The following DELE1 variants were observed in gnomAD, a reference collection of about 807,000 sequenced individuals.
DELE1 encodes DAP3 binding cell death enhancer 1.
Under a neutral mutation model 59.3 loss-of-function variants are expected in DELE1, and 54 were observed. The ratio of observed to expected loss-of-function variants is 0.91; its 90% CI spans 0.73 to 1.14. DELE1 has a LOEUF of 1.14. DELE1 is among the 50% of genes most tolerant of loss of function. The pLI, the probability that DELE1 is intolerant of heterozygous loss-of-function variation, is 0.00. For synonymous variants in DELE1, 264 were observed against 259.1 expected (o/e 1.02, Z -0.18); for missense variants, 636 against 643.9 (o/e 0.99, Z 0.13).
rs1035423676 is a variant in DELE1, at chr5:141,941,971, G to A, written c.*3212G>A. On this transcript the variant is annotated 3_prime_UTR_variant, in exon 12 of 12. Transcript: ENST00000432126. Reference sequence around the variant, plus strand: ...TCGCCGCCTATACACACGCACACACGCACACACACACACACGGTTTCCTGT... The same window carrying A: ...TCGCCGCCTATACACACGCACACACACACACACACACACACGGTTTCCTGT... 65 of 952,288 alleles carry A rather than the reference G, an allele frequency of 6.8e-5. No homozygotes were observed. The highest frequency in any genetic ancestry group is 1.2e-4 in the East Asian group (1 of 8,694). The allele number at this position is 952,288 out of a possible 1,614,324, so 59.0% of individuals were successfully genotyped here. A position where few individuals can be genotyped will look rare whatever the true frequency, so the allele number is the denominator to read the frequency against.
chr5:141,941,028 C>T lies in DELE1; in HGVS notation c.*2269C>T. On this transcript the variant is annotated 3_prime_UTR_variant, in exon 12 of 12. Coordinates refer to ENST00000432126, the MANE Select transcript of DELE1 (RefSeq NM_014773.5). ...AATGTTTTCTCTCACTGAATTGAGC[C>T]CAGAGCCCGTTTCCCTACAGATTGC... 1.0e-6 allele frequency: 1 copy of T among 985,402 alleles called. No individual in the cohort carries two copies. Among genetic ancestry groups the T allele is most frequent in the Non-Finnish European group, 1.2e-6 (1 of 829,910 alleles). The allele number at this position is 985,402 out of a possible 1,614,324, so 61.0% of individuals were successfully genotyped here.
In DELE1 at chr5:141,928,308, C is replaced by T. The variant is rs1407879263; in HGVS notation, c.412+10C>T. 7 of 1,613,294 alleles carry T rather than the reference C, an allele frequency of 4.3e-6. No homozygotes were observed. Among genetic ancestry groups the T allele is most frequent in the African/African-American group, 1.3e-5 (1 of 74,946 alleles). ...TGGCACCCATGCTCCTGTGAGTTCT[C>T]AGTCCTGGGGACAGGAGGGCTGGGC... On this transcript the variant is annotated intron_variant, in intron 4 of 11. Transcript: ENST00000432126.
In DELE1 at chr5:141,941,572, G is replaced by T; in HGVS notation, c.*2813G>T. The T allele has an allele frequency of 1.0e-6, 1 of 985,408 alleles. No individual in the cohort carries two copies. Among genetic ancestry groups the T allele is most frequent in the Non-Finnish European group, 1.2e-6 (1 of 829,956 alleles). 61.0% of individuals were successfully genotyped at this position (985,408 alleles called of 1,614,324 possible). On this transcript the variant is annotated 3_prime_UTR_variant, in exon 12 of 12. Coordinates refer to ENST00000432126, the MANE Select transcript of DELE1 (RefSeq NM_014773.5). ...TGCCCCAGAGGAAGTGTGAGAGGAC[G>T]AGAGGGAGGTGGCTCCCATCAGCAG... is the stretch of plus-strand genomic sequence containing the variant.
Position 141,941,508 on chromosome 5 carries a change from T to G in DELE1, c.*2749T>G. The G allele has an allele frequency of 1.0e-6, 1 of 985,354 alleles. No individual in the cohort carries two copies. Among genetic ancestry groups the G allele is most frequent in the Non-Finnish European group, 1.2e-6 (1 of 829,940 alleles). 61.0% of individuals were successfully genotyped at this position (985,354 alleles called of 1,614,324 possible). A position where few individuals can be genotyped will look rare whatever the true frequency, so the allele number is the denominator to read the frequency against. On this transcript the variant is annotated 3_prime_UTR_variant, in exon 12 of 12. Transcript: ENST00000432126. ...TGGCAGAGCTGGGTACTGCTGTGCT[T>G]TTGCCATTAAAATTCTGTTATTAAT...
Position 141,939,237 on chromosome 5 carries a change from T to C in DELE1, c.*478T>C. On this transcript the variant is annotated 3_prime_UTR_variant, in exon 12 of 12. Transcript: ENST00000432126. ...ATATATTTAATGTATAATATAAAAA[T>C]ATGATTAGCATATTGACCTGTAGTT... 1.7e-6 allele frequency: 1 copy of C among 591,078 alleles called. No homozygotes were observed. The highest frequency in any genetic ancestry group is 2.1e-6 in the Non-Finnish European group (1 of 470,382). The allele number at this position is 591,078 out of a possible 1,614,324, so 36.6% of individuals were successfully genotyped here. A position where few individuals can be genotyped will look rare whatever the true frequency, so the allele number is the denominator to read the frequency against.
At position 141,934,653 on chromosome 5, in the gene DELE1, G is replaced by A. The variant is rs1752219930; in HGVS notation, c.1149+67G>A. 1.3e-5 allele frequency: 19 copies of A among 1,441,858 alleles called. No individual in the cohort carries two copies. The South Asian group carries it at 1.7e-4, about 13-fold the overall frequency. The allele number at this position is 1,441,858 out of a possible 1,614,324, so 89.3% of individuals were successfully genotyped here. A position where few individuals can be genotyped will look rare whatever the true frequency, so the allele number is the denominator to read the frequency against. On this transcript the variant is annotated intron_variant, in intron 10 of 11. Coordinates refer to ENST00000432126, the MANE Select transcript of DELE1 (RefSeq NM_014773.5). ...GATAAGAGAAGGGATTTTGGAACTG[G>A]TACTGAGTTCTTCTGTGCTTAGGAG... is the stretch of plus-strand genomic sequence containing the variant.
At chr5:141,933,980 C>T (rs541854300) in intron 8 of DELE1, 38 of 300,162 alleles carry the variant, frequency 1.3e-4, no homozygotes, top group Middle Eastern at 1.1e-3. Flanking sequence ...GTGAGTATGT[C>T]TAACACATAT....
intron 11 of DELE1, 54 bp downstream of exon 11, chr5:141,937,411 G>T: frequency 6.3e-7 from 1 of 1,588,188 alleles, no homozygotes; most frequent in South Asian, 1.1e-5. Context: ...AGTACTCTGT[G>T]ACAGATAAGT....
At chr5:141,924,718 C>T (rs753080853) in intron 2 of DELE1, 23 bp downstream of exon 2, 14 of 1,374,686 alleles carry the variant, frequency 1.0e-5, no homozygotes, top group Admixed American at 6.8e-5. Context: ...CATTTTACCA[C>T]TCATTTCCTC....
rs970587892 is a variant in DELE1, at chr5:141,938,722, C to T, written c.1511C>T (p.Pro504Leu). The change falls in exon 12 of 12, where the codon CCA becomes CTA. Residue 504 changes from proline (P) to leucine (L), a missense_variant. Transcript: ENST00000432126. ...AGGGCTATTCCCCCACACCCCTACC[C>T]ACTGGAAAGGAGTGTTGTAAGACTA... ...SSRAIPPHPY[P>L]LERSVVRLGF... 3.1e-6 allele frequency: 5 copies of T among 1,613,936 alleles called. No homozygotes were observed. The African/African-American group carries it at 5.3e-5, about 17-fold the overall frequency.
chr5:141,931,749 C>T (rs1489042518), intron 7 of DELE1, among the ~76,000 whole-genome samples: 1 of 152,144 alleles, frequency 6.6e-6, no homozygotes, highest in Non-Finnish European at 1.5e-5. Context: ...AGTTTTCAGG[C>T]AGCAAGGAGG....
chr5:141,934,907 G>A, intron 10 of DELE1: 1 of 360,352 alleles, frequency 2.8e-6, no homozygotes, highest in Non-Finnish European at 5.1e-6. Flanking sequence ...ACATTTACCA[G>A]CACACTACTG....
intron 7 of DELE1, among the ~76,000 whole-genome samples, chr5:141,930,900 G>C (rs1394368611): frequency 1.3e-5 from 2 of 152,214 alleles, no homozygotes; most frequent in Non-Finnish European, 2.9e-5. Flanking sequence ...AGATAGGCAA[G>C]AGGCTGGGAT....
rs1384542206 is a variant in DELE1 at position 141,924,699 on chromosome 5, A to G, written c.146+4A>G. ...TTCCTGTGCCTAACCTCGACAGGTA[A>G]GATACTGCCATTTTACCACTCATTT... On this transcript the variant is annotated splice_donor_region_variant and intron_variant, in intron 2 of 11. Transcript: ENST00000432126. The G allele has an allele frequency of 6.4e-7, 1 of 1,563,234 alleles. No individual in the cohort carries two copies. The highest frequency in any genetic ancestry group is 8.8e-7 in the Non-Finnish European group (1 of 1,133,788).
chr5:141,937,021 T>C, intron 10 of DELE1, 177 bp from the exon 11 acceptor site: 1 of 1,484,398 alleles, frequency 6.7e-7, no homozygotes, highest in African/African-American at 1.4e-5. Context: ...TTGGGTGAGC[T>C]CTGAGCCTCT....
chr5:141,936,857 A>G, intron 10 of DELE1: 1 of 985,382 alleles, frequency 1.0e-6, no homozygotes, highest in Non-Finnish European at 1.2e-6. Context: ...GTTTCAGGGC[A>G]ACATAGGAGC....
chr5:141,934,523 C>T lies in DELE1; in HGVS notation c.1086C>T (p.Thr362=), dbSNP rs776099066. ...EAQAFLGVLF[T]KEPYLDEQRA... ...AAGCTTTCCTCGGGGTGCTTTTCAC[C>T]AAGGAGCCCTACCTGGATGAGCAGA... The change falls in exon 10 of 12, where the codon ACC becomes ACT. Residue 362 remains threonine, a synonymous_variant. Coordinates refer to ENST00000432126, the MANE Select transcript of DELE1 (RefSeq NM_014773.5). The T allele has an allele frequency of 2.5e-6, 4 of 1,614,238 alleles. No homozygotes were observed. Among genetic ancestry groups the T allele is most frequent in the South Asian group, 1.1e-5 (1 of 91,086 alleles).
At position 141,941,467 on chromosome 5, in the gene DELE1, G is replaced by A; in HGVS notation, c.*2708G>A. The stretch of plus-strand genomic sequence containing the variant: ...TCACTGCGGTCTTGATCCAGCCCCA[G>A]GGGGATGGGCTTCACTGGCAGAGCT... On this transcript the variant is annotated 3_prime_UTR_variant, in exon 12 of 12. Coordinates refer to ENST00000432126, the MANE Select transcript of DELE1 (RefSeq NM_014773.5). 1 of 985,512 alleles carries A rather than the reference G, an allele frequency of 1.0e-6. No homozygotes were observed. The highest frequency in any genetic ancestry group is 1.2e-6 in the Non-Finnish European group (1 of 829,980). The allele number at this position is 985,512 out of a possible 1,614,324, so 61.0% of individuals were successfully genotyped here.
At chr5:141,935,834 A>G (rs2126893401) in intron 10 of DELE1, among the ~76,000 whole-genome samples, 1 of 152,324 alleles carries the variant, frequency 6.6e-6, no homozygotes. Flanking sequence ...ACTCAGACCC[A>G]ACACACTTCC....
Sources: allele counts gnomAD v4.1 joint callset (sites outside exome capture counted in the v4.1 genomes callset), GRCh38; gene constraint gnomAD v4.1.1; transcripts MANE v1.5; gene names NCBI Gene and HGNC (gene_info 2026-07-23, HGNC 2026-07-21).